The following SLC27A1 variants were observed in gnomAD, a reference collection of about 807,000 sequenced individuals.
SLC27A1 encodes long-chain fatty acid transport protein 1.
In SLC27A1, 61 loss-of-function variants were observed where a neutral mutation model predicts 62.2. That is an observed-to-expected ratio of 0.98 (90% CI 0.80 to 1.21). SLC27A1 has a LOEUF of 1.21. SLC27A1 is among the 50% of genes most tolerant of loss of function. The pLI is 0.00. For missense variants in SLC27A1, 903 were observed against 932.1 expected, an observed-to-expected ratio of 0.97 and a Z score of 0.41; for synonymous variants, 435 against 408.6, an observed-to-expected ratio of 1.06 and a Z score of -0.78.
Position 17,486,670 on chromosome 19 carries a change from G to T in SLC27A1, c.275G>T (p.Arg92Leu), listed in dbSNP as rs1339071400. Residue 92 changes from arginine (R) to leucine (L), a missense_variant, in exon 2 of 12, where the codon CGC becomes CTC. By Grantham distance (102) the Arg-to-Leu change is moderately radical (BLOSUM62 -2). Transcript: ENST00000252595. This position sits in a 1 kb window ranked among gnomAD's most constrained non-coding sequence, Gnocchi z 6.6. Reference protein sequence around the residue: ...FQAVVQRQPERLALVDAGTGE... With the variant: ...FQAVVQRQPELLALVDAGTGE... ...GCGGTAGTGCAGCGACAGCCCGAGC[G>T]CCTGGCGCTGGTGGATGCCGGGACC... is the stretch of plus-strand genomic sequence containing the variant. 1.9e-6 allele frequency: 3 copies of T among 1,609,664 alleles called. No individual in the cohort carries two copies.
chr19:17,470,681 C>T lies in SLC27A1; in HGVS notation c.141C>T (p.Val47=). The change falls in exon 1 of 12, where the codon GTC becomes GTT. Residue 47 remains valine, a synonymous_variant. Transcript: ENST00000252595. ...GSGGWRFLRI[V]CKTARRDLFG... ...GCGGCTGGCGCTTCCTGCGCATCGT[C>T]TGCAAGACCGCGAGGCGAGACCTCT... The T allele has an allele frequency of 6.3e-7, 1 of 1,582,114 alleles. No individual in the cohort carries two copies. The highest frequency in any genetic ancestry group is 8.5e-7 in the Non-Finnish European group (1 of 1,170,406).
At chr19:17,479,220 A>G (rs1490141279) in intron 1 of SLC27A1, among the ~76,000 whole-genome samples, 1 of 152,210 alleles carries the variant, frequency 6.6e-6, no homozygotes, top group East Asian at 1.9e-4. Context: ...AGCCTGGCCA[A>G]CAAAATGAGA....
chr19:17,501,520 G>C, intron 11 of SLC27A1, 101 bp downstream of exon 11: 2 of 1,482,228 alleles, frequency 1.3e-6, no homozygotes, highest in Non-Finnish European at 1.8e-6. Flanking sequence ...ATACCTGGCC[G>C]GGGCCAGGCA....
intron 5 of SLC27A1, 32 bp from the exon 6 acceptor site, chr19:17,488,976 G>A: frequency 6.2e-7 from 1 of 1,613,854 alleles, no homozygotes. Flanking sequence ...GGGTGGGGGC[G>A]GGGGACCCCT....
chr19:17,502,078 T>G lies in SLC27A1; in HGVS notation c.1783+659T>G, dbSNP rs189826857. ...TTGCAGTGAGCCGAGATCAGGCCACTGCACTCCAGCCTGGGTGACAGAGTG... is the reference window on the plus strand; with the variant it reads ...TTGCAGTGAGCCGAGATCAGGCCACGGCACTCCAGCCTGGGTGACAGAGTG... On this transcript the variant is annotated intron_variant, in intron 11 of 11. Transcript: ENST00000252595. 1.6e-3 allele frequency among the ~76,000 whole-genome samples: 242 copies of G among 152,082 alleles called. 3 individuals carry two copies. Among genetic ancestry groups the G allele is most frequent in the African/African-American group, 5.6e-3 (234 of 41,524 alleles).
chr19:17,500,040 G>C (rs932601617), intron 7 of SLC27A1: 2 of 583,468 alleles, frequency 3.4e-6, no homozygotes, highest in Admixed American at 3.5e-5. Context: ...TGTGGATCAG[G>C]AAGTGGGTGC....
At chr19:17,488,134 G>A (rs763022745) in intron 4 of SLC27A1, among the ~76,000 whole-genome samples, 14 of 152,320 alleles carry the variant, frequency 9.2e-5, no homozygotes, top group Middle Eastern at 3.4e-3. Context: ...TGAGGCAGGC[G>A]GGTCACTTGA....
intron 7 of SLC27A1, 72 bp downstream of exon 7, chr19:17,497,536 C>A (rs760903916): frequency 1.5e-4 from 209 of 1,370,562 alleles, no homozygotes; most frequent in Middle Eastern, 7.0e-4. Context: ...TCCTGGGGCC[C>A]CTGGGATACA....
intron 1 of SLC27A1, among the ~76,000 whole-genome samples, chr19:17,484,341 C>T (rs1837499973): frequency 6.6e-6 from 1 of 152,098 alleles, no homozygotes; most frequent in Admixed American, 6.6e-5. Context: ...CGCCTGTAAT[C>T]CCAGCACATT....
intron 11 of SLC27A1, 71 bp from the exon 12 acceptor site, chr19:17,504,382 GGA>G: frequency 2.5e-6 from 4 of 1,573,022 alleles, no homozygotes; most frequent in Non-Finnish European, 3.5e-6. Flanking sequence ...CAGAGGTGCA[GGA>G]GAGGATATTG....
At chr19:17,472,481 T>C (rs2075086485) in intron 1 of SLC27A1, among the ~76,000 whole-genome samples, 1 of 152,124 alleles carries the variant, frequency 6.6e-6, no homozygotes, top group South Asian at 2.1e-4. Flanking sequence ...CAGCCTCCGC[T>C]TACTTCCCTT....
upstream of SLC27A1, among the ~76,000 whole-genome samples, chr19:17,469,909 G>GT (rs1321713057): frequency 7.0e-6 from 1 of 142,518 alleles, no homozygotes; most frequent in Admixed American, 7.1e-5. Context: ...TTGCGGGGGG[G>GT]TGGGGAGGCA....
chr19:17,473,734 C>T (rs1340012982), intron 1 of SLC27A1, among the ~76,000 whole-genome samples: 7 of 152,044 alleles, frequency 4.6e-5, no homozygotes, highest in African/African-American at 9.7e-5. Flanking sequence ...TGGTGGTGCA[C>T]GCCTGTAATC....
Position 17,486,863 on chromosome 19 carries a change from G to A in SLC27A1, c.468G>A (p.Ala156=), listed in dbSNP as rs748219621. 14 of 1,585,376 alleles carry A rather than the reference G, an allele frequency of 8.8e-6. No homozygotes were observed. Among genetic ancestry groups the A allele is most frequent in the Admixed American group, 5.3e-5 (3 of 56,830 alleles). The change falls in exon 2 of 12, where the codon GCG becomes GCA. Residue 156 remains alanine (A), a synonymous_variant. Coordinates refer to ENST00000252595, the MANE Select transcript of SLC27A1 (RefSeq NM_198580.3). The surrounding 1 kb of genome is among the most constrained non-coding windows in gnomAD (Gnocchi z 6.6). Reference sequence around the variant, plus strand: ...TGGCCAAGGCGGGCATGGAGGCCGCGCTGCTCAACGTGAACCTGCGGCGCG... The same window carrying A: ...TGGCCAAGGCGGGCATGGAGGCCGCACTGCTCAACGTGAACCTGCGGCGCG... ...LGLAKAGMEA[A]LLNVNLRREP...
chr19:17,489,116 C>T lies in SLC27A1; in HGVS notation c.995C>T (p.Thr332Met), dbSNP rs1436111581. 1 of 1,613,624 alleles carries T rather than the reference C, an allele frequency of 6.2e-7. No homozygotes were observed. The change falls in exon 6 of 12, where the codon ACG (threonine) becomes ATG (methionine). Residue 332 changes from threonine to methionine, a missense_variant and splice_region_variant. By Grantham distance (81) the Thr-to-Met change is moderately conservative. Coordinates refer to ENST00000252595, the MANE Select transcript of SLC27A1 (RefSeq NM_198580.3). ...FWDDCIKYNCTVVQYIGEICR... is the reference protein window; with the variant it reads ...FWDDCIKYNCMVVQYIGEICR... ...GACGACTGCATCAAGTACAACTGCA[C>T]GGTCAGGCCCTGCCCTGTTCTGTCT...
At position 17,501,310 on chromosome 19, in the gene SLC27A1, C is replaced by A. The variant is rs1194242218; in HGVS notation, c.1674C>A (p.Asp558Glu). 3.7e-6 allele frequency: 6 copies of A among 1,613,820 alleles called. No homozygotes were observed. Among genetic ancestry groups the A allele is most frequent in the Middle Eastern group, 3.3e-4 (2 of 6,028 alleles). The stretch of plus-strand genomic sequence containing the variant: ...AGGCAGGGATGGCGGCCGTCGCAGA[C>A]CCCCACAGCCTGCTGGACCCCAACG... ...EGKAGMAAVA[D>E]PHSLLDPNAI... The change falls in exon 11 of 12, where the codon GAC becomes GAA. Residue 558 changes from aspartate to glutamate, a missense_variant. Asp to Glu is a conservative substitution (Grantham distance 45). Transcript: ENST00000252595.
rs1568427954 is a variant in SLC27A1 at position 17,504,865 on chromosome 19, T to C, written c.*253T>C. The stretch of plus-strand genomic sequence containing the variant: ...TTCCATCCCTGTCCCTGTCTGGCCT[T>C]AACTCTTCCCTCTTTTTCTTTTCTT... On this transcript the variant is annotated 3_prime_UTR_variant, in exon 12 of 12. Transcript: ENST00000252595. 1.5e-6 allele frequency: 1 copy of C among 679,182 alleles called. No individual in the cohort carries two copies. Among genetic ancestry groups the C allele is most frequent in the African/African-American group, 1.8e-5 (1 of 56,856 alleles). The allele number at this position is 679,182 out of a possible 1,614,324, so 42.1% of individuals were successfully genotyped here.
intron 1 of SLC27A1, among the ~76,000 whole-genome samples, chr19:17,476,574 C>T (rs1044640748): frequency 1.4e-4 from 21 of 150,720 alleles, no homozygotes; most frequent in Non-Finnish European, 7.4e-5. Context: ...AAGACGCAGG[C>T]ATTGGGCACC....
intron 1 of SLC27A1, among the ~76,000 whole-genome samples, chr19:17,476,562 A>T (rs2144548121): frequency 6.6e-6 from 1 of 151,846 alleles, no homozygotes; most frequent in East Asian, 1.9e-4. Context: ...AAAGGAAAAA[A>T]AAAGACGCAG....
Sources: allele counts gnomAD v4.1 joint callset (sites outside exome capture counted in the v4.1 genomes callset), GRCh38; gene constraint gnomAD v4.1.1; non-coding constraint Gnocchi (gnomAD v3.1); transcripts MANE v1.5; gene names NCBI Gene and HGNC (gene_info 2026-07-23, HGNC 2026-07-21).